Variants in DLGAP2 observed in about 807,000 individuals in gnomAD.
The protein encoded by DLGAP2 is DLG associated protein 2.
Under a neutral mutation model 100.3 loss-of-function variants are expected in DLGAP2, and 26 were observed. That is an observed-to-expected ratio of 0.26 (90% CI 0.19 to 0.36). The LOEUF is 0.36. Among genes scored for constraint, DLGAP2 ranks in the 10% least tolerant of loss-of-function variants. DLGAP2 has a pLI of 1.00. For synonymous variants in DLGAP2, 886 were observed against 630.1 expected (o/e 1.41, Z -6.08); for missense variants, 1,858 against 1,453.2 (o/e 1.28, Z -4.53).
intron 3 of DLGAP2, among the ~76,000 whole-genome samples, chr8:1,262,236 C>T (rs1197656266): frequency 6.6e-6 from 1 of 152,086 alleles, no homozygotes; most frequent in Non-Finnish European, 1.5e-5. Flanking sequence ...ATGGTGTGGC[C>T]TGTTTTTCAG....
In DLGAP2 at chr8:1,258,848, C is replaced by T. The variant is rs1414718084; in HGVS notation, c.74-3C>T. ...AACAGCTTCTCTCTGTCTCTGTTTTCAGAGTCGCAGTGCACGCTCTGCGGG... is the reference window on the plus strand; with the variant it reads ...AACAGCTTCTCTCTGTCTCTGTTTTTAGAGTCGCAGTGCACGCTCTGCGGG... On this transcript the variant is annotated splice_region_variant and splice_polypyrimidine_tract_variant and intron_variant, in intron 2 of 14. Transcript: ENST00000637795. 1.6e-6 allele frequency: 2 copies of T among 1,231,568 alleles called. No individual in the cohort carries two copies. Among genetic ancestry groups the T allele is most frequent in the Non-Finnish European group, 1.0e-6 (1 of 987,976 alleles). 76.3% of individuals were successfully genotyped at this position (1,231,568 alleles called of 1,614,324 possible).
chr8:1,216,469 C>T (rs1023670798), intron 2 of DLGAP2, among the ~76,000 whole-genome samples: 2 of 151,972 alleles, frequency 1.3e-5, no homozygotes, highest in African/African-American at 4.8e-5. Flanking sequence ...CCTCTTCAAC[C>T]TCCCACGTAT....
intron 2 of DLGAP2, among the ~76,000 whole-genome samples, chr8:1,007,260 G>T (rs12156162): frequency 6.6e-6 from 1 of 152,138 alleles, no homozygotes; most frequent in Non-Finnish European, 1.5e-5. Flanking sequence ...TGTCTGCACG[G>T]GTTGTCTCTG....
intron 2 of DLGAP2, among the ~76,000 whole-genome samples, chr8:988,240 CT>C (rs1189421806): frequency 1.3e-5 from 2 of 152,204 alleles, no homozygotes; most frequent in African/African-American, 4.8e-5. Flanking sequence ...CCCAAATCAC[CT>C]TCAGATGCAA....
chr8:1,266,921 A>T (rs959580242), intron 3 of DLGAP2, among the ~76,000 whole-genome samples: 5 of 151,972 alleles, frequency 3.3e-5, no homozygotes, highest in African/African-American at 1.2e-4. Flanking sequence ...GGGAGAGGGG[A>T]TGTGTAATAG....
At chr8:1,148,740 A>G (rs1387803286) in intron 2 of DLGAP2, among the ~76,000 whole-genome samples, 1 of 152,154 alleles carries the variant, frequency 6.6e-6, no homozygotes, top group Non-Finnish European at 1.5e-5. Context: ...GCTTTTCATT[A>G]TTGAGTTCAA....
chr8:1,335,277 G>T (rs553292540), intron 3 of DLGAP2, among the ~76,000 whole-genome samples: 15 of 152,174 alleles, frequency 9.9e-5, no homozygotes, highest in African/African-American at 3.4e-4. Context: ...TCTTTAGGGC[G>T]GCCTAATGAG....
At chr8:1,688,069 CCT>C (rs1475657142) in intron 12 of DLGAP2, among the ~76,000 whole-genome samples, 3 of 152,154 alleles carry the variant, frequency 2.0e-5, no homozygotes, top group African/African-American at 7.2e-5. Flanking sequence ...CACTGTCACC[CCT>C]GTCAAGAAAC....
chr8:1,322,598 C>A (rs1369657227), intron 3 of DLGAP2, among the ~76,000 whole-genome samples: 1 of 152,064 alleles, frequency 6.6e-6, no homozygotes, highest in Non-Finnish European at 1.5e-5. Context: ...ATGTGTGCGC[C>A]CACCTGGCGT....
chr8:1,344,114 T>TTCCGGGCCCTGTCATGGGTCCGTGTAC (rs1554447134), intron 3 of DLGAP2, among the ~76,000 whole-genome samples: 5 of 36,894 alleles, frequency 1.4e-4, no homozygotes, highest in African/African-American at 2.2e-4. Context: ...GGTCCATGTA[T>TTCCGGGCCCTGTCATGGGTCCGTGTAC]TCGGGGCCCT....
At position 1,549,889 on chromosome 8, in the gene DLGAP2, C is replaced by T. The variant is rs532545898; in HGVS notation, c.1230+206C>T. On this transcript the variant is annotated intron_variant, in intron 5 of 14. Coordinates refer to ENST00000637795, the MANE Select transcript of DLGAP2 (RefSeq NM_001346810.2). ...ATACGTAATTTTTTTGGTGGGAGCACTTAAAATCCACTCTGGATGATTTCC... is the reference window on the plus strand; with the variant it reads ...ATACGTAATTTTTTTGGTGGGAGCATTTAAAATCCACTCTGGATGATTTCC... Among the ~76,000 whole-genome samples the T allele has an allele frequency of 8.7e-4, 133 of 152,336 alleles. No individual in the cohort carries two copies. The South Asian group carries it at 0.018, about 21-fold the overall frequency.
intron 8 of DLGAP2, among the ~76,000 whole-genome samples, chr8:1,647,848 A>G (rs1424539873): frequency 2.0e-5 from 3 of 152,150 alleles, no homozygotes; most frequent in Non-Finnish European, 4.4e-5. Context: ...CAGGGTGTCC[A>G]GTGTGGGCAG....
Position 1,063,047 on chromosome 8 carries a change from G to A in DLGAP2, c.73+155081G>A, listed in dbSNP as rs117361499. Among the ~76,000 whole-genome samples, 47 of 152,306 alleles carry A rather than the reference G, an allele frequency of 3.1e-4. No individual in the cohort carries two copies. In the East Asian group the frequency reaches 8.9e-3, roughly 29 times the overall value. ...TTAAGACCTGTGTTTTTCTATGCAA[G>A]CAATGGAGTGAGAAGCCTGTGGAAA... is the stretch of plus-strand genomic sequence containing the variant. On this transcript the variant is annotated intron_variant, in intron 2 of 14. Coordinates refer to ENST00000637795, the MANE Select transcript of DLGAP2 (RefSeq NM_001346810.2).
intron 2 of DLGAP2, among the ~76,000 whole-genome samples, chr8:912,648 A>G (rs553770922): frequency 4.4e-5 from 6 of 134,904 alleles, no homozygotes; most frequent in South Asian, 2.5e-4. Context: ...GCTGAGCCCC[A>G]CACCACAGTG....
intron 2 of DLGAP2, among the ~76,000 whole-genome samples, chr8:1,001,658 G>A (rs1045264252): frequency 9.2e-5 from 14 of 152,150 alleles, no homozygotes; most frequent in Non-Finnish European, 2.1e-4. Flanking sequence ...AGCATTCAAA[G>A]TAATATTGAT....
chr8:1,356,995 A>AG (rs1292622735), intron 3 of DLGAP2, among the ~76,000 whole-genome samples: 1 of 152,204 alleles, frequency 6.6e-6, no homozygotes, highest in Non-Finnish European at 1.5e-5. Flanking sequence ...TGGAACACAC[A>AG]GCGGGGTAGG....
intron 2 of DLGAP2, among the ~76,000 whole-genome samples, chr8:1,086,132 C>G (rs1803966038): frequency 6.6e-6 from 1 of 151,998 alleles, no homozygotes; most frequent in Admixed American, 6.6e-5. Flanking sequence ...GCCATTTTAC[C>G]ACATTTGTTT....
At chr8:1,106,171 C>T (rs1252215701) in intron 2 of DLGAP2, among the ~76,000 whole-genome samples, 1 of 145,334 alleles carries the variant, frequency 6.9e-6, no homozygotes, top group Non-Finnish European at 1.5e-5. Context: ...TTGAAGGAGG[C>T]CATTCTAGGA....
intron 4 of DLGAP2, among the ~76,000 whole-genome samples, chr8:1,539,323 C>G (rs1563208730): frequency 6.6e-6 from 1 of 152,188 alleles, no homozygotes; most frequent in Non-Finnish European, 1.5e-5. Context: ...GAGATGCAAT[C>G]CACAGACAAG....
Sources: gnomAD v4.1 joint callset for allele counts (sites outside exome capture counted in the v4.1 genomes callset) on GRCh38, gnomAD v4.1.1 for gene constraint, MANE v1.5 for transcripts, NCBI Gene and HGNC (gene_info 2026-07-23, HGNC 2026-07-21) for gene names.